The following STIMATE variants were observed in gnomAD, a reference collection of about 807,000 sequenced individuals.
STIMATE encodes the protein STIM activating enhancer.
In STIMATE, 15 loss-of-function variants were observed where a neutral mutation model predicts 36.7. The ratio of observed to expected loss-of-function variants is 0.41; its 90% CI spans 0.27 to 0.63. The LOEUF is 0.63. Among genes scored for constraint, STIMATE ranks in the 20% least tolerant of loss-of-function variants. The probability of loss-of-function intolerance (pLI) is 0.32; values close to 1 mark genes in which losing one functional copy is unlikely to be tolerated. For missense variants in STIMATE, 305 were observed against 397.3 expected, an observed-to-expected ratio of 0.77 and a Z score of 1.98; for synonymous variants, 163 against 162.3, an observed-to-expected ratio of 1.00 and a Z score of -0.03.
At chr3:52,846,753 C>CA (rs1412271880) in intron 4 of STIMATE, among the ~76,000 whole-genome samples, 3 of 152,204 alleles carry the variant, frequency 2.0e-5, no homozygotes, top group Admixed American at 6.5e-5. Context: ...TCTGGGAACC[C>CA]AGATCTCACG....
At chr3:52,891,623 G>A (rs917352989) in intron 1 of STIMATE, among the ~76,000 whole-genome samples, 1 of 152,130 alleles carries the variant, frequency 6.6e-6, no homozygotes, top group Admixed American at 6.5e-5. Context: ...TTTGGCGCAT[G>A]CTAATCTGGA....
Position 52,897,277 on chromosome 3 carries a change from G to A in STIMATE, c.160+14C>T. 1.3e-6 allele frequency: 2 copies of A among 1,540,548 alleles called. No individual in the cohort carries two copies. Among genetic ancestry groups the A allele is most frequent in the Non-Finnish European group, 1.7e-6 (2 of 1,149,906 alleles). On this transcript the variant is annotated intron_variant, in intron 1 of 7. Transcript: ENST00000355083. Reference sequence around the variant, plus strand: ...GCGCAGGGCCTCCGGAGGGTCGGGGGGTCCCAGACTCACGCATTAACGTGC... The same window carrying A: ...GCGCAGGGCCTCCGGAGGGTCGGGGAGTCCCAGACTCACGCATTAACGTGC...
rs940036185 is a variant in STIMATE, at chr3:52,843,843, G to C, written c.541-45C>G. The stretch of plus-strand genomic sequence containing the variant: ...CAGTGAGGTAGGGAGAGGCCACCGA[G>C]AGTGTGCCTGGGGTGGGTGGGTGGT... On this transcript the variant is annotated intron_variant, in intron 5 of 7. Transcript: ENST00000355083. The C allele has an allele frequency of 1.2e-5, 19 of 1,597,586 alleles. 1 individual carries two copies. In the Admixed American group the frequency reaches 2.8e-4, roughly 24 times the overall value.
chr3:52,890,027 C>A (rs1477343664), intron 1 of STIMATE, among the ~76,000 whole-genome samples: 2 of 152,174 alleles, frequency 1.3e-5, no homozygotes, highest in Admixed American at 1.3e-4. Context: ...TTTGCTCTTA[C>A]CACCCCCTCC....
chr3:52,844,963 T>C (rs1417999795), intron 4 of STIMATE, 22 bp from the exon 5 acceptor site: 2 of 1,611,242 alleles, frequency 1.2e-6, no homozygotes, highest in Non-Finnish European at 8.5e-7. Flanking sequence ...GGCGGGTGCT[T>C]AGTCACATGG....
At position 52,837,090 on chromosome 3, in the gene STIMATE, C is replaced by T. The variant is rs1299042264; in HGVS notation, c.*3404G>A. ...GAAGTAAAACAGAGAGCTCTGCACT[C>T]TTAGCTGCAAGCGTGTGAAACTTCT... On this transcript the variant is annotated 3_prime_UTR_variant, in exon 8 of 8. Transcript: ENST00000355083. The T allele has an allele frequency of 6.5e-6, 1 of 154,288 alleles. No individual in the cohort carries two copies. Among genetic ancestry groups the T allele is most frequent in the African/African-American group, 2.4e-5 (1 of 41,496 alleles). 9.6% of individuals were successfully genotyped at this position (154,288 alleles called of 1,614,324 possible).
At chr3:52,850,433 A>AAAACAAAAC (rs1700977875) in intron 3 of STIMATE, among the ~76,000 whole-genome samples, 3 of 150,950 alleles carry the variant, frequency 2.0e-5, no homozygotes, top group South Asian at 2.1e-4. Flanking sequence ...TCTGTCTCAA[A>AAAACAAAAC]AAAACAAAAC....
intron 1 of STIMATE, among the ~76,000 whole-genome samples, chr3:52,868,809 A>G (rs1701354284): frequency 6.6e-6 from 1 of 152,068 alleles, no homozygotes; most frequent in Admixed American, 6.5e-5. Context: ...TTTGGTAGAC[A>G]AGGTTTTACC....
intron 1 of STIMATE, 118 bp downstream of exon 1, chr3:52,897,173 G>C: frequency 1.5e-6 from 2 of 1,331,984 alleles, no homozygotes; most frequent in South Asian, 2.9e-5. Flanking sequence ...CTGGGTTTGC[G>C]GGGGAGGAGC....
chr3:52,846,371 A>C (rs1700901846), intron 4 of STIMATE: 1 of 152,262 alleles, frequency 6.6e-6, no homozygotes, highest in Admixed American at 6.5e-5. Flanking sequence ...TTCTCAAAAC[A>C]ACAGATGAAC....
intron 1 of STIMATE, among the ~76,000 whole-genome samples, 156 bp downstream of exon 1, chr3:52,897,135 G>A (rs1182532816): frequency 1.3e-5 from 2 of 152,152 alleles, no homozygotes; most frequent in Admixed American, 6.5e-5. Context: ...GAGGGGCTCG[G>A]GCTACCCCTA....
intron 1 of STIMATE, among the ~76,000 whole-genome samples, chr3:52,896,890 C>T (rs188668777): frequency 2.6e-4 from 39 of 152,288 alleles, no homozygotes; most frequent in African/African-American, 9.1e-4. Flanking sequence ...CAGAAAAGAG[C>T]TCAGCATCGC....
At chr3:52,885,432 T>C (rs1701674046) in intron 1 of STIMATE, among the ~76,000 whole-genome samples, 1 of 152,204 alleles carries the variant, frequency 6.6e-6, no homozygotes, top group Non-Finnish European at 1.5e-5. Context: ...TAGAGCTAGT[T>C]GAAACCTAAT....
intron 1 of STIMATE, among the ~76,000 whole-genome samples, chr3:52,867,435 G>C (rs1462442453): frequency 6.6e-6 from 1 of 152,220 alleles, no homozygotes; most frequent in African/African-American, 2.4e-5. Flanking sequence ...CAACTCTCAG[G>C]AATGGGGTGC....
chr3:52,851,996 A>T (rs1578806605), intron 3 of STIMATE, among the ~76,000 whole-genome samples: 1 of 152,208 alleles, frequency 6.6e-6, no homozygotes, highest in Non-Finnish European at 1.5e-5. Flanking sequence ...TGCTATGAGG[A>T]CAAAGGGAGG....
intron 1 of STIMATE, among the ~76,000 whole-genome samples, chr3:52,897,037 G>A (rs1015561971): frequency 2.0e-5 from 3 of 152,160 alleles, no homozygotes; most frequent in Admixed American, 6.5e-5. Context: ...TGGGAGGTAG[G>A]CGAGTTTTAG....
At chr3:52,876,745 T>C (rs987910890) in intron 1 of STIMATE, among the ~76,000 whole-genome samples, 5 of 152,232 alleles carry the variant, frequency 3.3e-5, no homozygotes, top group African/African-American at 1.2e-4. Flanking sequence ...CCATATATAA[T>C]ACATATATAA....
chr3:52,851,857 G>A (rs1303297364), intron 3 of STIMATE, among the ~76,000 whole-genome samples: 1 of 152,226 alleles, frequency 6.6e-6, no homozygotes, highest in African/African-American at 2.4e-5. Context: ...TGTGGGCCCT[G>A]GAAGCCAGAC....
At chr3:52,891,369 T>G (rs937417251) in intron 1 of STIMATE, among the ~76,000 whole-genome samples, 1 of 152,184 alleles carries the variant, frequency 6.6e-6, no homozygotes. Flanking sequence ...GTTGGCATGC[T>G]GGGAACTCAG....
Sources: allele counts gnomAD v4.1 joint callset (sites outside exome capture counted in the v4.1 genomes callset), GRCh38; gene constraint gnomAD v4.1.1; transcripts MANE v1.5; gene names NCBI Gene and HGNC (gene_info 2026-07-23, HGNC 2026-07-21).